IL16: variants seen among roughly 807,000 people sequenced by gnomAD.
IL16 encodes the protein pro-interleukin-16.
IL16 carries 67 observed loss-of-function variants against 110.1 expected under a neutral mutation model. That is an observed-to-expected ratio of 0.61 (90% CI 0.50 to 0.75). IL16 has a LOEUF of 0.75. Among genes scored for constraint, IL16 ranks in the 30% least tolerant of loss-of-function variants. The pLI is 0.00. For missense variants in IL16, 1,545 were observed against 1,655.0 expected (o/e 0.93, Z 1.15); for synonymous variants, 689 against 662.9 (o/e 1.04, Z -0.61).
rs1242917085 is a variant in IL16 at position 81,225,709 on chromosome 15, A to G, written c.310A>G (p.Lys104Glu). The change falls in exon 2 of 19, where the codon AAG (lysine) becomes GAG (glutamate). Residue 104 changes from lysine (K) to glutamate (E), a missense_variant and splice_region_variant. Lys to Glu is a moderately conservative substitution (Grantham distance 56, BLOSUM62 1). Transcript: ENST00000683961. ...GKTCRRIFFM[K>E]ESSTASSREK... ...GACCTGTAGGAGGATATTCTTCATG[A>G]AGGTATGCCCAGGCTTTGCAGGCCT... 4 of 1,602,214 alleles carry G rather than the reference A, an allele frequency of 2.5e-6. No homozygotes were observed. Among genetic ancestry groups the G allele is most frequent in the African/African-American group, 2.7e-5 (2 of 74,716 alleles).
chr15:81,185,023 TG>T (rs1895397955), intron 1 of IL16, among the ~76,000 whole-genome samples: 1 of 152,146 alleles, frequency 6.6e-6, no homozygotes, highest in South Asian at 2.1e-4. Context: ...CCTTGGGACT[TG>T]GCCCCTGTCA....
rs7183324 is a variant in IL16 at position 81,255,612 on chromosome 15, A to G, written c.313-4160A>G. On this transcript the variant is annotated intron_variant, in intron 2 of 18. Coordinates refer to ENST00000683961, the MANE Select transcript of IL16 (RefSeq NM_172217.5). ...GATTGCTGTTCCCAGGTGCCATGGA[A>G]AGAAGAGACTGAGCCACTGAAATGT... Among the ~76,000 whole-genome samples, 1,292 of 152,308 alleles carry G rather than the reference A, an allele frequency of 8.5e-3. 12 individuals are homozygous for G. Among genetic ancestry groups the G allele is most frequent in the Middle Eastern group, 0.02 (6 of 294 alleles).
intron 1 of IL16, among the ~76,000 whole-genome samples, chr15:81,202,708 T>A (rs543054433): frequency 6.6e-6 from 1 of 152,256 alleles, no homozygotes; most frequent in African/African-American, 2.4e-5. Flanking sequence ...CCACATTTTC[T>A]TAATCCAGTC....
At chr15:81,280,222 G>T (rs531006700) in intron 8 of IL16, among the ~76,000 whole-genome samples, 41 of 152,306 alleles carry the variant, frequency 2.7e-4, no homozygotes, top group African/African-American at 9.4e-4. Context: ...CCCCCCAGGT[G>T]GGGGCTCGGA....
chr15:81,190,334 C>A (rs1242516884), intron 1 of IL16, among the ~76,000 whole-genome samples: 1 of 152,224 alleles, frequency 6.6e-6, no homozygotes, highest in Non-Finnish European at 1.5e-5. Flanking sequence ...GCGTTTAACC[C>A]TTTCTAAGCC....
Position 81,225,454 on chromosome 15 carries a change from A to G in IL16, c.55A>G (p.Ile19Val), listed in dbSNP as rs1392124351. The G allele has an allele frequency of 1.2e-6, 2 of 1,614,184 alleles. No homozygotes were observed. The highest frequency in any genetic ancestry group is 4.5e-5 in the East Asian group (2 of 44,870). ...KSRKSAKFRS[I>V]SRSLMLCNAK... The stretch of plus-strand genomic sequence containing the variant: ...CAGAAAATCTGCAAAATTTCGGTCC[A>G]TCTCCAGGTCCCTGATGCTCTGTAA... The change falls in exon 2 of 19, where the codon ATC (isoleucine) becomes GTC (valine). Residue 19 changes from isoleucine (I) to valine (V), a missense_variant. Physicochemically the swap from Ile to Val is conservative, Grantham distance 29. Around this residue, in one of 3 missense-constraint regions of IL16, gnomAD observed 1,185 missense variants for 1,238.8 expected, o/e 0.96. Transcript: ENST00000683961.
At chr15:81,227,016 C>T (rs1896811412) in intron 2 of IL16, among the ~76,000 whole-genome samples, 1 of 152,132 alleles carries the variant, frequency 6.6e-6, no homozygotes, top group Admixed American at 6.6e-5. Flanking sequence ...ATCTGCAAGG[C>T]ACAGTGGGGG....
upstream of IL16, among the ~76,000 whole-genome samples, chr15:81,194,452 G>T (rs1159654067): frequency 6.6e-6 from 1 of 150,802 alleles, no homozygotes; most frequent in Non-Finnish European, 1.5e-5. Flanking sequence ...ATTTAAATTT[G>T]TAATTGTAAT....
chr15:81,226,729 A>AT (rs1896801078), intron 2 of IL16, among the ~76,000 whole-genome samples: 1 of 152,170 alleles, frequency 6.6e-6, no homozygotes, highest in South Asian at 2.1e-4. Context: ...TGTGACTTCT[A>AT]TTAATATGTC....
upstream of IL16, among the ~76,000 whole-genome samples, chr15:81,196,137 T>C (rs907349685): frequency 1.3e-5 from 2 of 152,216 alleles, no homozygotes; most frequent in Admixed American, 1.3e-4. Context: ...TGAGGACCAC[T>C]GAGTTACATA....
intron 1 of IL16, among the ~76,000 whole-genome samples, chr15:81,212,431 T>A (rs946726718): frequency 6.6e-6 from 1 of 152,136 alleles, no homozygotes; most frequent in South Asian, 2.1e-4. Context: ...TTACTGTAAG[T>A]CAAGATTTTT....
Position 81,289,162 on chromosome 15 carries a change from T to C in IL16, c.1333-1291T>C, listed in dbSNP as rs191898161. ...ATACTTTGTTATTTTCTTTTCTTTTTTTGAGACTGAGTCTCACTCTGTCAC... is the reference window on the plus strand; with the variant it reads ...ATACTTTGTTATTTTCTTTTCTTTTCTTGAGACTGAGTCTCACTCTGTCAC... On this transcript the variant is annotated intron_variant, in intron 10 of 18. Coordinates refer to ENST00000683961, the MANE Select transcript of IL16 (RefSeq NM_172217.5). Among the ~76,000 whole-genome samples, 963 of 152,304 alleles carry C rather than the reference T, an allele frequency of 6.3e-3. 14 individuals carry two copies. Among genetic ancestry groups the C allele is most frequent in the African/African-American group, 0.022 (903 of 41,562 alleles).
intron 1 of IL16, among the ~76,000 whole-genome samples, chr15:81,221,637 A>G (rs1329918854): frequency 6.6e-6 from 1 of 151,994 alleles, no homozygotes; most frequent in Non-Finnish European, 1.5e-5. Flanking sequence ...CAGAAGTCCA[A>G]TTCTGGCTTC....
intron 1 of IL16, among the ~76,000 whole-genome samples, chr15:81,183,397 G>A (rs1895374363): frequency 6.6e-6 from 1 of 152,178 alleles, no homozygotes; most frequent in Admixed American, 6.6e-5. Context: ...GAACTGGGAG[G>A]GGCCTCCATC....
intron 2 of IL16, among the ~76,000 whole-genome samples, chr15:81,245,933 T>C (rs1161313740): frequency 6.6e-6 from 1 of 152,022 alleles, no homozygotes; most frequent in Non-Finnish European, 1.5e-5. Flanking sequence ...TTTTTAGTTG[T>C]ACTTACTGGG....
At chr15:81,184,958 C>T (rs115434386) in intron 1 of IL16, among the ~76,000 whole-genome samples, 82 of 152,296 alleles carry the variant, frequency 5.4e-4, no homozygotes, top group African/African-American at 1.9e-3. Context: ...GTGGTCTCCA[C>T]CATAGGTGCC....
chr15:81,239,799 GT>G (rs767628898), intron 2 of IL16, among the ~76,000 whole-genome samples: 32 of 147,002 alleles, frequency 2.2e-4, no homozygotes, highest in African/African-American at 8.8e-4. Flanking sequence ...TTGTTTGTTT[GT>G]TTTTGGCTTT....
chr15:81,232,414 A>C (rs1173695385), intron 2 of IL16, among the ~76,000 whole-genome samples: 1 of 152,130 alleles, frequency 6.6e-6, no homozygotes, highest in African/African-American at 2.4e-5. Flanking sequence ...TCTCATTCCT[A>C]ATCTCAAGGG....
chr15:81,265,876 C>A, intron 4 of IL16, 75 bp downstream of exon 4: 1 of 1,383,336 alleles, frequency 7.2e-7, no homozygotes, highest in Non-Finnish European at 9.8e-7. Context: ...TTAACAGTGG[C>A]TGAAGAGGCC....
Sources: allele counts gnomAD v4.1 joint callset (sites outside exome capture counted in the v4.1 genomes callset), GRCh38; gene constraint gnomAD v4.1.1; regional missense constraint gnomAD v4.1.1; transcripts MANE v1.5; gene names NCBI Gene and HGNC (gene_info 2026-07-23, HGNC 2026-07-21).